SRMS: variants seen among roughly 807,000 people sequenced by gnomAD.
SRMS encodes tyrosine-protein kinase Srms.
Under a neutral mutation model 43.5 loss-of-function variants are expected in SRMS, and 42 were observed. That is an observed-to-expected ratio of 0.97 (90% CI 0.75 to 1.25). The LOEUF (loss-of-function observed/expected upper bound fraction) is 1.25. Ranked by LOEUF, SRMS falls within the 50% of genes most tolerant of loss-of-function variation. SRMS has a pLI of 0.00. For missense variants in SRMS, 703 were observed against 681.0 expected (o/e 1.03, Z -0.36); for synonymous variants, 316 against 308.2 (o/e 1.03, Z -0.27).
In SRMS at chr20:63,538,871, C is replaced by T. The variant is rs943475984; in HGVS notation, c.*1947G>A. 4.6e-5 allele frequency among the ~76,000 whole-genome samples: 7 copies of T among 152,276 alleles called. No homozygotes were observed. The highest frequency in any genetic ancestry group is 2.1e-4 in the South Asian group (1 of 4,832). On this transcript the variant is annotated 3_prime_UTR_variant, in exon 8 of 8. Transcript: ENST00000217188. ...CGTGCAGGACTTTCAGTCTAAGCCA[C>T]ACCAGGAGGCAGGAACGTCCCCAGC...
chr20:63,547,525 T>G lies in SRMS; in HGVS notation c.-62A>C. The stretch of plus-strand genomic sequence containing the variant: ...GAGCCCGCGAGCCCGGAAGAGGAAC[T>G]GGCAGGGCCGGTGGGACCCGGTGTC... On this transcript the variant is annotated 5_prime_UTR_variant, in exon 1 of 8. Transcript: ENST00000217188. 2.9e-6 allele frequency: 4 copies of G among 1,400,584 alleles called. No individual in the cohort carries two copies. The highest frequency in any genetic ancestry group is 3.7e-6 in the Non-Finnish European group (4 of 1,067,768). The allele number at this position is 1,400,584 out of a possible 1,614,324, so 86.8% of individuals were successfully genotyped here.
chr20:63,547,070 G>A (rs1376060736), intron 1 of SRMS, 38 bp downstream of exon 1: 4 of 1,485,892 alleles, frequency 2.7e-6, no homozygotes, highest in South Asian at 1.4e-5. Flanking sequence ...CCCAGCTGGG[G>A]GCGAGGCAGG....
rs73150454 is a variant in SRMS, at chr20:63,540,285, G to A, written c.*533C>T. 7.1e-3 allele frequency among the ~76,000 whole-genome samples: 1,088 copies of A among 152,294 alleles called. 8 individuals are homozygous for A. The highest frequency in any genetic ancestry group is 0.013 in the Non-Finnish European group (857 of 68,024). On this transcript the variant is annotated 3_prime_UTR_variant, in exon 8 of 8. Coordinates refer to ENST00000217188, the MANE Select transcript of SRMS (RefSeq NM_080823.4). Reference sequence around the variant, plus strand: ...TGGGGTCAACACCACGGTCTGCCTGGGAGTCAGCACTGGTCATTTCCACAA... The same window carrying A: ...TGGGGTCAACACCACGGTCTGCCTGAGAGTCAGCACTGGTCATTTCCACAA...
At chr20:63,542,672 C>A (rs1569017910) in intron 3 of SRMS, 91 bp from the exon 4 acceptor site, 1 of 1,430,630 alleles carries the variant, frequency 7.0e-7, no homozygotes, top group East Asian at 2.5e-5. Flanking sequence ...CTGGCGGGCA[C>A]CCCTGTCCCC....
In SRMS at chr20:63,544,248, G is replaced by C. The variant is rs2082719103; in HGVS notation, c.457C>G (p.Leu153Val). The C allele has an allele frequency of 1.4e-6, 2 of 1,471,298 alleles. No individual in the cohort carries two copies. Among genetic ancestry groups the C allele is most frequent in the South Asian group, 1.3e-5 (1 of 74,614 alleles). The allele number at this position is 1,471,298 out of a possible 1,614,324, so 91.1% of individuals were successfully genotyped here. A position where few individuals can be genotyped will look rare whatever the true frequency, so the allele number is the denominator to read the frequency against. Residue 153 changes from leucine to valine, a missense_variant, in exon 2 of 8, where the codon CTC becomes GTC. Transcript: ENST00000217188. ...AFLIRPSESSLGGYSLSVRAQ... is the reference protein window; with the variant it reads ...AFLIRPSESSVGGYSLSVRAQ... The stretch of plus-strand genomic sequence containing the variant: ...GTACCTGACAGTGAGTAGCCCCCGA[G>C]GCTGCTCTCGCTGGGCCGGATGAGG...
rs757997692 is a variant in SRMS, at chr20:63,541,010, C to T, written c.1286-11G>A. On this transcript the variant is annotated splice_polypyrimidine_tract_variant and intron_variant, in intron 7 of 7. Transcript: ENST00000217188. ...CGTGGTTGGTCATCCCTGGGAGGCG[C>T]GGGGCAAGAGCTGCCTCGATTCTGC... is the stretch of plus-strand genomic sequence containing the variant. The T allele has an allele frequency of 3.9e-5, 63 of 1,608,178 alleles. No individual in the cohort carries two copies. Among genetic ancestry groups the T allele is most frequent in the Non-Finnish European group, 5.2e-5 (61 of 1,179,298 alleles).
rs1309617002 is a variant in SRMS, at chr20:63,547,530, G to A, written c.-67C>T. The A allele has an allele frequency of 7.2e-6, 10 of 1,383,120 alleles. No homozygotes were observed. In the South Asian group the frequency reaches 1.4e-4, roughly 19 times the overall value. The allele number at this position is 1,383,120 out of a possible 1,614,324, so 85.7% of individuals were successfully genotyped here. On this transcript the variant is annotated 5_prime_UTR_variant, in exon 1 of 8. Coordinates refer to ENST00000217188, the MANE Select transcript of SRMS (RefSeq NM_080823.4). The stretch of plus-strand genomic sequence containing the variant: ...CGCGAGCCCGGAAGAGGAACTGGCA[G>A]GGCCGGTGGGACCCGGTGTCCAGCG...
At position 63,540,973 on chromosome 20, in the gene SRMS, G is replaced by A; in HGVS notation, c.1312C>T (p.Gln438Ter). The A allele has an allele frequency of 6.2e-7, 1 of 1,608,660 alleles. No individual in the cohort carries two copies. Among genetic ancestry groups the A allele is most frequent in the Admixed American group, 1.7e-5 (1 of 59,914 alleles). ...EGMTNHETLQ[Q>*]IMRGYRLPRP... is the part of the protein sequence containing the mutation. ...GGCAGCCGGTACCCTCGCATGATCT[G>A]CTGCAGCGTCTCGTGGTTGGTCATC... Residue 438 changes from glutamine (Q) to a stop codon, truncating the protein, a stop_gained, in exon 8 of 8, where the codon CAG becomes TAG. Transcript: ENST00000217188. LOFTEE classifies it low-confidence loss of function (END_TRUNC).
Position 63,544,263 on chromosome 20 carries a change from G to A in SRMS, c.442C>T (p.Pro148Ser). The change falls in exon 2 of 8, where the codon CCC becomes TCC. Residue 148 changes from proline (P) to serine (S), a missense_variant. Physicochemically the swap from Pro to Ser is moderately conservative, Grantham distance 74. Transcript: ENST00000217188. ...PNEPGAFLIRPSESSLGGYSL... is the reference protein window; with the variant it reads ...PNEPGAFLIRSSESSLGGYSL... ...TAGCCCCCGAGGCTGCTCTCGCTGG[G>A]CCGGATGAGGAAGGCCCCTGGTTCG... The A allele has an allele frequency of 6.8e-7, 1 of 1,475,992 alleles. No individual in the cohort carries two copies. Among genetic ancestry groups the A allele is most frequent in the Non-Finnish European group, 9.0e-7 (1 of 1,113,904 alleles). 91.4% of individuals were successfully genotyped at this position (1,475,992 alleles called of 1,614,324 possible).
At position 63,542,443 on chromosome 20, in the gene SRMS, A is replaced by G; in HGVS notation, c.784T>C (p.Ser262Pro). 1 of 1,611,266 alleles carries G rather than the reference A, an allele frequency of 6.2e-7. No homozygotes were observed. Among genetic ancestry groups the G allele is most frequent in the Non-Finnish European group, 8.5e-7 (1 of 1,179,114 alleles). The change falls in exon 4 of 8, where the codon TCA becomes CCA. Residue 262 changes from serine (S) to proline (P), a missense_variant. Ser to Pro is a moderately conservative substitution (Grantham distance 74). Transcript: ENST00000217188. ...GCGCAGGATCTCGGGGCCTCACCTG[A>G]CTTGATGACCTTGATCGCCACGGGC... ...SLPVAIKVIK[S>P]ANMKLTDLAK...
Position 63,547,289 on chromosome 20 carries a change from G to A in SRMS, c.175C>T (p.Leu59Phe), listed in dbSNP as rs2082738463. ...CCACACCGCGCCGTGAAGTCATAGAGCGCAAGGAAGAGCTGAGGGAAGGGG... is the reference window on the plus strand; with the variant it reads ...CCACACCGCGCCGTGAAGTCATAGAACGCAAGGAAGAGCTGAGGGAAGGGG... ...CSPFPQLFLA[L>F]YDFTARCGGE... The change falls in exon 1 of 8, where the codon CTC (leucine) becomes TTC (phenylalanine). Residue 59 changes from leucine (L) to phenylalanine (F), a missense_variant. Physicochemically the swap from Leu to Phe is conservative, Grantham distance 22. Transcript: ENST00000217188. 1 of 1,606,580 alleles carries A rather than the reference G, an allele frequency of 6.2e-7. No individual in the cohort carries two copies. Among genetic ancestry groups the A allele is most frequent in the Non-Finnish European group, 8.5e-7 (1 of 1,175,590 alleles).
chr20:63,538,572 G>A lies in SRMS; in HGVS notation c.*2246C>T, dbSNP rs2082685756. Among the ~76,000 whole-genome samples, 1 of 152,218 alleles carries A rather than the reference G, an allele frequency of 6.6e-6. No individual in the cohort carries two copies. Among genetic ancestry groups the A allele is most frequent in the South Asian group, 2.1e-4 (1 of 4,832 alleles). On this transcript the variant is annotated 3_prime_UTR_variant, in exon 8 of 8. Transcript: ENST00000217188. ...GTTTTGAGATTAAGAACAATAATCT[G>A]GATTATTTAACAGGCTCATAGATTT...
rs310646 is a variant in SRMS at position 63,538,674 on chromosome 20, C to G, written c.*2144G>C. Among the ~76,000 whole-genome samples the G allele has an allele frequency of 0.1, 15,265 of 148,926 alleles. 2,045 individuals are homozygous for G. The highest frequency in any genetic ancestry group is 0.32 in the African/African-American group (12,595 of 39,832). On this transcript the variant is annotated 3_prime_UTR_variant, in exon 8 of 8. Coordinates refer to ENST00000217188, the MANE Select transcript of SRMS (RefSeq NM_080823.4). ...CGGCCTGGGCAGTGTCCCTCAGGCC[C>G]TCCCAGCTCTGTCTGGGGTCGGTTG... is the stretch of plus-strand genomic sequence containing the variant.
At chr20:63,545,257 C>T (rs1246739009) in intron 1 of SRMS, among the ~76,000 whole-genome samples, 2 of 152,210 alleles carry the variant, frequency 1.3e-5, no homozygotes, top group South Asian at 2.1e-4. Context: ...AGCCCCACCC[C>T]GTCTGCATAA....
intron 2 of SRMS, among the ~76,000 whole-genome samples, chr20:63,544,015 T>C (rs1271802549): frequency 2.0e-5 from 3 of 152,212 alleles, no homozygotes; most frequent in Middle Eastern, 6.3e-3. Context: ...AACAAGTGAA[T>C]GAGTGACTGA....
chr20:63,539,934 C>A lies in SRMS; in HGVS notation c.*884G>T, dbSNP rs2082693333. On this transcript the variant is annotated 3_prime_UTR_variant, in exon 8 of 8. Coordinates refer to ENST00000217188, the MANE Select transcript of SRMS (RefSeq NM_080823.4). ...CCCTTCCTGTGCCACCTGGAACCCA[C>A]CCAGGGAGATGGAATCGGCAGCTCC... 6.6e-6 allele frequency among the ~76,000 whole-genome samples: 1 copy of A among 152,230 alleles called. No individual in the cohort carries two copies. The highest frequency in any genetic ancestry group is 1.9e-4 in the East Asian group (1 of 5,190).
intron 1 of SRMS, among the ~76,000 whole-genome samples, chr20:63,546,650 C>T (rs1278875541): frequency 1.3e-5 from 2 of 151,416 alleles, no homozygotes; most frequent in Non-Finnish European, 2.9e-5. Flanking sequence ...GTCTCAGCCC[C>T]CAGCCCCCAG....
intron 1 of SRMS, among the ~76,000 whole-genome samples, 154 bp downstream of exon 1, chr20:63,546,954 G>A (rs1443489260): frequency 6.6e-6 from 1 of 152,244 alleles, no homozygotes; most frequent in Non-Finnish European, 1.5e-5. Flanking sequence ...TGCCGGCCCG[G>A]GGCCCATCAG....
intron 1 of SRMS, among the ~76,000 whole-genome samples, chr20:63,544,918 G>T (rs903649319): frequency 6.6e-6 from 1 of 152,218 alleles, no homozygotes; most frequent in Non-Finnish European, 1.5e-5. Flanking sequence ...GGCTGCAGGG[G>T]GGTTGCTGTG....
Sources: gnomAD v4.1 joint callset for allele counts (sites outside exome capture counted in the v4.1 genomes callset) on GRCh38, gnomAD v4.1.1 for gene constraint, MANE v1.5 for transcripts, NCBI Gene and HGNC (gene_info 2026-07-23, HGNC 2026-07-21) for gene names.